NRG1: variants seen among roughly 807,000 people sequenced by gnomAD.
NRG1 encodes neuregulin 1.
In NRG1, 18 loss-of-function variants were observed where a neutral mutation model predicts 63.8. The observed-to-expected ratio is 0.28, with a 90% CI of 0.19 to 0.42. The LOEUF is 0.42. NRG1 is among the 10% of genes least tolerant of loss of function. The pLI, the probability that NRG1 is intolerant of heterozygous loss-of-function variation, is 1.00. For missense variants in NRG1, 762 were observed against 814.7 expected (o/e 0.94, Z 0.79); for synonymous variants, 302 against 301.3 (o/e 1.00, Z -0.02).
intron 1 of NRG1, among the ~76,000 whole-genome samples, chr8:31,943,241 G>A (rs1272300418): frequency 1.3e-5 from 2 of 152,144 alleles, no homozygotes; most frequent in Non-Finnish European, 2.9e-5. Flanking sequence ...TAGCAACCTG[G>A]ATGGAATTGG....
chr8:32,397,501 A>T (rs1344753334), intron 1 of NRG1, among the ~76,000 whole-genome samples: 2 of 148,022 alleles, frequency 1.4e-5, no homozygotes, highest in African/African-American at 5.1e-5. Flanking sequence ...AATGTTATAT[A>T]TGGAGGCAAT....
intron 1 of NRG1, among the ~76,000 whole-genome samples, chr8:31,818,839 C>T (rs1381161093): frequency 2.6e-5 from 4 of 152,058 alleles, no homozygotes; most frequent in South Asian, 2.1e-4. Context: ...GGGCAGATCA[C>T]GAGGTCAGGA....
At chr8:32,267,456 T>C (rs1032770185) in intron 1 of NRG1, among the ~76,000 whole-genome samples, 1 of 152,140 alleles carries the variant, frequency 6.6e-6, no homozygotes, top group Admixed American at 6.5e-5. Context: ...ATTTGCCAAA[T>C]ACAAAGAAGA....
chr8:31,640,355 C>G lies in NRG1; in HGVS notation c.37+924C>G. 1 of 1,232,768 alleles carries G rather than the reference C, an allele frequency of 8.1e-7. No individual in the cohort carries two copies. The highest frequency in any genetic ancestry group is 3.3e-5 in the South Asian group (1 of 29,892). 76.4% of individuals were successfully genotyped at this position (1,232,768 alleles called of 1,614,324 possible). A position where few individuals can be genotyped will look rare whatever the true frequency, so the allele number is the denominator to read the frequency against. On this transcript the variant is annotated intron_variant, in intron 1 of 10. Transcript: ENST00000519301. This position sits in a 1 kb window ranked among gnomAD's most constrained non-coding sequence, Gnocchi z 6.3. ...GAGCCGCCAGCCGCGGGCCCACGGG[C>G]GCTGGGGCCGCCCGCCGAGGAGCCG...
At chr8:31,756,805 T>C (rs1021240320) in intron 1 of NRG1, among the ~76,000 whole-genome samples, 1 of 152,180 alleles carries the variant, frequency 6.6e-6, no homozygotes, top group African/African-American at 2.4e-5. Flanking sequence ...AGGGTCACGC[T>C]TAATAGATTT....
At chr8:32,403,165 G>T (rs1813450567) in intron 1 of NRG1, among the ~76,000 whole-genome samples, 1 of 151,958 alleles carries the variant, frequency 6.6e-6, no homozygotes, top group African/African-American at 2.4e-5. Context: ...CAGGCACAGT[G>T]GCAGGTGCCT....
chr8:32,372,289 G>C (rs940049591), intron 1 of NRG1, among the ~76,000 whole-genome samples: 1 of 151,602 alleles, frequency 6.6e-6, no homozygotes, highest in African/African-American at 2.4e-5. Flanking sequence ...TGTGCCCAGC[G>C]CTGTTTACTG....
chr8:31,944,475 G>T (rs1178391618), intron 1 of NRG1, among the ~76,000 whole-genome samples: 2 of 152,208 alleles, frequency 1.3e-5, no homozygotes, highest in Non-Finnish European at 2.9e-5. Context: ...TCTGGCTCTA[G>T]CTCTTAACTT....
rs1180632099 is a variant in NRG1 at position 32,281,442 on chromosome 8, T to A, written c.38-314386T>A. 1.3e-5 allele frequency among the ~76,000 whole-genome samples: 2 copies of A among 151,978 alleles called. 1 individual carries two copies. Among genetic ancestry groups the A allele is most frequent in the Non-Finnish European group, 2.9e-5 (2 of 67,994 alleles). ...ATCTGCCTGCCTCAGCCTCCCAAAG[T>A]ACTTGGATTACAGCCACGAGCCATG... On this transcript the variant is annotated intron_variant, in intron 1 of 10. Transcript: ENST00000519301.
chr8:32,058,534 G>A (rs777415272), intron 1 of NRG1, among the ~76,000 whole-genome samples: 2 of 151,870 alleles, frequency 1.3e-5, no homozygotes, highest in Admixed American at 1.3e-4. Context: ...TTCCTCAGTG[G>A]CATTCTCACT....
chr8:32,144,712 G>A (rs1344435548), intron 1 of NRG1, among the ~76,000 whole-genome samples: 1 of 152,008 alleles, frequency 6.6e-6, no homozygotes, highest in Admixed American at 6.6e-5. Context: ...AAGCTGGGAT[G>A]GATCCTTGGA....
intron 1 of NRG1, among the ~76,000 whole-genome samples, chr8:31,766,658 G>C (rs540775225): frequency 1.2e-3 from 187 of 152,212 alleles, no homozygotes; most frequent in African/African-American, 4.2e-3. Flanking sequence ...TTTTGGTGAT[G>C]TTTTAATTTT....
intron 1 of NRG1, among the ~76,000 whole-genome samples, chr8:32,506,172 C>T (rs373457370): frequency 6.6e-6 from 1 of 152,154 alleles, no homozygotes; most frequent in Admixed American, 6.5e-5. Context: ...TTGTTTGACC[C>T]TGGGAGTTTG....
chr8:32,560,091 A>G (rs756293189), intron 1 of NRG1, among the ~76,000 whole-genome samples: 1 of 152,138 alleles, frequency 6.6e-6, no homozygotes, highest in Non-Finnish European at 1.5e-5. Flanking sequence ...GTTAAGCTGT[A>G]AGGACATCAA....
chr8:32,613,758 C>A (rs547677890), intron 3 of NRG1, among the ~76,000 whole-genome samples: 4 of 151,978 alleles, frequency 2.6e-5, no homozygotes, highest in Non-Finnish European at 5.9e-5. Flanking sequence ...TAAAACTGTA[C>A]CTTTCCAAAA....
chr8:32,236,607 A>G (rs950199574), intron 1 of NRG1, among the ~76,000 whole-genome samples: 3 of 152,158 alleles, frequency 2.0e-5, no homozygotes, highest in African/African-American at 7.2e-5. Context: ...CTCTCCAAGC[A>G]GCAATTAAAT....
At chr8:32,321,851 A>T (rs890256240) in intron 1 of NRG1, among the ~76,000 whole-genome samples, 214 of 150,094 alleles carry the variant, frequency 1.4e-3, no homozygotes, top group Non-Finnish European at 2.1e-3. Flanking sequence ...TGTTTCTTTG[A>T]TTTTTTTTTT....
chr8:31,917,793 G>C (rs538759891), intron 1 of NRG1, among the ~76,000 whole-genome samples: 2 of 152,096 alleles, frequency 1.3e-5, no homozygotes, highest in Non-Finnish European at 2.9e-5. Context: ...AAATTACCTT[G>C]GGCAGTATGG....
intron 1 of NRG1, among the ~76,000 whole-genome samples, chr8:32,243,654 G>A (rs930668489): frequency 7.9e-5 from 12 of 152,058 alleles, no homozygotes; most frequent in East Asian, 1.9e-4. Flanking sequence ...GACTTCATAC[G>A]CAATGCTGTG....
Sources: gnomAD v4.1 joint callset for allele counts (sites outside exome capture counted in the v4.1 genomes callset) on GRCh38, gnomAD v4.1.1 for gene constraint, Gnocchi (gnomAD v3.1) non-coding constraint, MANE v1.5 for transcripts, NCBI Gene and HGNC (gene_info 2026-07-23, HGNC 2026-07-21) for gene names.